Variants in ARHGAP9 observed in about 807,000 individuals in gnomAD.
The protein encoded by ARHGAP9 is rho GTPase-activating protein 9.
Under a neutral mutation model 87.3 loss-of-function variants are expected in ARHGAP9, and 76 were observed. That is an observed-to-expected ratio of 0.87 (90% CI 0.72 to 1.05). The LOEUF is 1.05. ARHGAP9 is among the 50% of genes least tolerant of loss of function. ARHGAP9 has a pLI of 0.00. For missense variants in ARHGAP9, 941 were observed against 960.5 expected (o/e 0.98, Z 0.27); for synonymous variants, 382 against 394.9 (o/e 0.97, Z 0.39).
chr12:57,486,889 G>GGA (rs528038694), intron 1 of ARHGAP9, among the ~76,000 whole-genome samples: 1 of 139,136 alleles, frequency 7.2e-6, no homozygotes, highest in Non-Finnish European at 1.5e-5. Context: ...CCGTCTCAAA[G>GGA]AAAAAAAAAA....
In ARHGAP9 at chr12:57,479,772, T is replaced by C. The variant is rs1163977652; in HGVS notation, c.-61A>G. ...AAGATTCAGGAGCAGGAGTTGGTCCTGGGTAGTGGTGGGAGTCTTGAGGTG... is the reference window on the plus strand; with the variant it reads ...AAGATTCAGGAGCAGGAGTTGGTCCCGGGTAGTGGTGGGAGTCTTGAGGTG... On this transcript the variant is annotated 5_prime_UTR_variant, in exon 1 of 18. Coordinates refer to ENST00000393791, the MANE Select transcript of ARHGAP9 (RefSeq NM_032496.4). 1 of 1,550,144 alleles carries C rather than the reference T, an allele frequency of 6.5e-7. No homozygotes were observed.
chr12:57,480,790 C>T (rs769596230), upstream of ARHGAP9: 1 of 1,550,580 alleles, frequency 6.4e-7, no homozygotes, highest in Middle Eastern at 1.7e-4. Context: ...GGCCACTCCT[C>T]TTTTCCTCTT....
rs1441943034 is a variant in ARHGAP9 at position 57,476,094 on chromosome 12, A to T, written c.1189T>A (p.Ser397Thr). 1.3e-6 allele frequency: 2 copies of T among 1,538,100 alleles called. No homozygotes were observed. Among genetic ancestry groups the T allele is most frequent in the South Asian group, 1.2e-5 (1 of 83,504 alleles). Reference sequence around the variant, plus strand: ...ACGTGCAGGACGTTGCGGCGGCTGGACAGGTGGCGGCCGTGCGCCAGGGCC... The same window carrying T: ...ACGTGCAGGACGTTGCGGCGGCTGGTCAGGTGGCGGCCGTGCGCCAGGGCC... ...GAALAHGRHLSSRRNVLHIRT... is the reference protein window; with the variant it reads ...GAALAHGRHLTSRRNVLHIRT... Residue 397 changes from serine (S) to threonine (T), a missense_variant, in exon 9 of 18, where the codon TCC becomes ACC. Coordinates refer to ENST00000393791, the MANE Select transcript of ARHGAP9 (RefSeq NM_032496.4).
rs749675563 is a variant in ARHGAP9, at chr12:57,478,522, A to G, written c.534+18T>C. 1 of 1,612,584 alleles carries G rather than the reference A, an allele frequency of 6.2e-7. No individual in the cohort carries two copies. Among genetic ancestry groups the G allele is most frequent in the Admixed American group, 1.7e-5 (1 of 60,022 alleles). On this transcript the variant is annotated intron_variant, in intron 3 of 17. Coordinates refer to ENST00000393791, the MANE Select transcript of ARHGAP9 (RefSeq NM_032496.4). ...CTGTGCCTAGAACAGGGCCCAGCTCAGAAGAGCTGTGACTCACTGTGCTGG... is the reference window on the plus strand; with the variant it reads ...CTGTGCCTAGAACAGGGCCCAGCTCGGAAGAGCTGTGACTCACTGTGCTGG...
In ARHGAP9 at chr12:57,472,423, T is replaced by G; in HGVS notation, c.*94A>C. 7.1e-7 allele frequency: 1 copy of G among 1,409,784 alleles called. No individual in the cohort carries two copies. Among genetic ancestry groups the G allele is most frequent in the Non-Finnish European group, 9.5e-7 (1 of 1,054,526 alleles). 87.3% of individuals were successfully genotyped at this position (1,409,784 alleles called of 1,614,324 possible). On this transcript the variant is annotated 3_prime_UTR_variant, in exon 18 of 18. Coordinates refer to ENST00000393791, the MANE Select transcript of ARHGAP9 (RefSeq NM_032496.4). ...CACTCATGAAGATAGAGACAGTCAT[T>G]TGGGAGATTTAAAGGGATATCCTCA...
chr12:57,474,374 G>A, intron 15 of ARHGAP9, 49 bp downstream of exon 15: 1 of 1,608,600 alleles, frequency 6.2e-7, no homozygotes, highest in Admixed American at 1.7e-5. Context: ...GGGAAGCAAA[G>A]AGGATATGTG....
At position 57,475,308 on chromosome 12, in the gene ARHGAP9, T is replaced by C; in HGVS notation, c.1535A>G (p.Glu512Gly). The C allele has an allele frequency of 6.3e-7, 1 of 1,598,570 alleles. No individual in the cohort carries two copies. Among genetic ancestry groups the C allele is most frequent in the Non-Finnish European group, 8.5e-7 (1 of 1,172,120 alleles). ...CCCCTCACCTCGGAGCAGACCCCGC[T>C]CCTGCAGGCTTTGTAAGGGCGGTCT... Reference protein sequence around the residue: ...AKRPPLQSLQERGLLRDQVFG... With the variant: ...AKRPPLQSLQGRGLLRDQVFG... The change falls in exon 12 of 18, where the codon GAG becomes GGG. Residue 512 changes from glutamate (E) to glycine (G), a missense_variant. By Grantham distance (98) the Glu-to-Gly change is moderately conservative. Transcript: ENST00000393791.
chr12:57,476,438 A>G lies in ARHGAP9; in HGVS notation c.1042T>C (p.Ser348Pro). 1.2e-6 allele frequency: 2 copies of G among 1,613,812 alleles called. No individual in the cohort carries two copies. Among genetic ancestry groups the G allele is most frequent in the Non-Finnish European group, 1.7e-6 (2 of 1,179,968 alleles). ...CTGTTACCCGTTAACACCACCCAAG[A>G]CGGGCCCCAGTTCTTCCTGCGGGGA... The part of the protein sequence containing the change: ...GRKLRKNWGP[S>P]WVVLTGNSLV... The change falls in exon 8 of 18, where the codon TCT becomes CCT. Residue 348 changes from serine to proline, a missense_variant. Ser to Pro is a moderately conservative substitution (Grantham distance 74). Transcript: ENST00000393791.
chr12:57,478,514 C>T, intron 3 of ARHGAP9, 26 bp downstream of exon 3: 2 of 1,611,426 alleles, frequency 1.2e-6, no homozygotes, highest in South Asian at 1.1e-5. Context: ...TAGAACAGGG[C>T]CCAGCTCAGA....
rs766850655 is a variant in ARHGAP9 at position 57,477,718 on chromosome 12, C to G, written c.535-38G>C. On this transcript the variant is annotated intron_variant, in intron 3 of 17. Transcript: ENST00000393791. ...GGGGAAGAAGGAGGTGGTCATTCTGCCTGTTGCCCTTCCCATGCTTCTCTT... is the reference window on the plus strand; with the variant it reads ...GGGGAAGAAGGAGGTGGTCATTCTGGCTGTTGCCCTTCCCATGCTTCTCTT... 1.1e-5 allele frequency: 18 copies of G among 1,604,964 alleles called. 1 individual carries two copies. The South Asian group carries it at 1.3e-4, about 12-fold the overall frequency.
intron 13 of ARHGAP9, 59 bp downstream of exon 13, chr12:57,474,816 C>T (rs1039739637): frequency 6.2e-6 from 10 of 1,608,704 alleles, no homozygotes; most frequent in African/African-American, 4.0e-5. Flanking sequence ...ATGGGGGAGG[C>T]AGAAAATTCT....
At chr12:57,482,965 G>A (rs931287165), upstream of ARHGAP9, among the ~76,000 whole-genome samples, 7 of 151,304 alleles carry the variant, frequency 4.6e-5, no homozygotes, top group African/African-American at 7.4e-5. Flanking sequence ...TGGGCATGGC[G>A]GCAGGTGTCT....
In ARHGAP9 at chr12:57,472,546, G is replaced by A; in HGVS notation, c.2167C>T (p.Leu723Phe). ...LYPGQLVQLM[L>F]TNFTSLFP ...GGGAAGAGGCTGGTGAAGTTGGTGA[G>A]CATCAGCTGGACCAGCTGCCCTGGG... Residue 723 changes from leucine (L) to phenylalanine (F), a missense_variant, in exon 18 of 18, where the codon CTC (leucine) becomes TTC (phenylalanine). Leu to Phe is a conservative substitution (Grantham distance 22). Transcript: ENST00000393791. The A allele has an allele frequency of 6.2e-7, 1 of 1,614,202 alleles. No individual in the cohort carries two copies. Among genetic ancestry groups the A allele is most frequent in the South Asian group, 1.1e-5 (1 of 91,090 alleles).
chr12:57,483,856 A>G (rs527425752), upstream of ARHGAP9: 5 of 452,614 alleles, frequency 1.1e-5, no homozygotes, highest in African/African-American at 1.0e-4. Flanking sequence ...CCTGGGCAAC[A>G]TGGTAAAACC....
chr12:57,476,827 G>T, intron 6 of ARHGAP9, 44 bp downstream of exon 6: 1 of 1,542,016 alleles, frequency 6.5e-7, no homozygotes, highest in South Asian at 1.1e-5. Flanking sequence ...GGGGGAGGGG[G>T]GGCAGGGAGG....
chr12:57,484,872 C>G (rs1479324320), intron 1 of ARHGAP9, among the ~76,000 whole-genome samples: 1 of 151,926 alleles, frequency 6.6e-6, no homozygotes, highest in African/African-American at 2.4e-5. Flanking sequence ...TCTCGAACTC[C>G]TGACCTCAGG....
upstream of ARHGAP9, among the ~76,000 whole-genome samples, chr12:57,482,816 C>T (rs183680688): frequency 2.4e-3 from 372 of 151,848 alleles, 3 homozygotes; most frequent in South Asian, 0.017. Flanking sequence ...AATATGGGGC[C>T]GGGTGCAGTG....
intron 1 of ARHGAP9, chr12:57,488,377 T>C: frequency 1.4e-6 from 1 of 725,276 alleles, no homozygotes; most frequent in South Asian, 1.8e-5. Context: ...TTTCACTTCC[T>C]TTAATTACCC....
At chr12:57,480,962 GT>G (rs1265306621), upstream of ARHGAP9, 2 of 839,304 alleles carry the variant, frequency 2.4e-6, no homozygotes, top group Non-Finnish European at 3.9e-6. Context: ...GATCTTCCTA[GT>G]TTACTTCACT....
Sources: allele counts gnomAD v4.1 joint callset (sites outside exome capture counted in the v4.1 genomes callset), GRCh38; gene constraint gnomAD v4.1.1; transcripts MANE v1.5; gene names NCBI Gene and HGNC (gene_info 2026-07-23, HGNC 2026-07-21).